Variants in RBFOX1 observed in about 807,000 individuals in gnomAD.
RBFOX1 encodes the protein RNA binding fox-1 homolog 1, also known as RNA binding protein fox-1 homolog 1.
RBFOX1 carries 8 observed loss-of-function variants against 57.7 expected under a neutral mutation model. The ratio of observed to expected loss-of-function variants is 0.14; its 90% CI spans 0.08 to 0.25. The LOEUF is 0.25. Ranked by LOEUF, RBFOX1 falls within the 10% of genes least tolerant of loss-of-function variation. The pLI is 1.00. For synonymous variants in RBFOX1, 326 were observed against 222.4 expected (o/e 1.47, Z -4.15); for missense variants, 611 against 548.5 (o/e 1.11, Z -1.14).
chr16:5,303,335 T>C (rs1478452995), intron 1 of RBFOX1, among the ~76,000 whole-genome samples: 3 of 152,228 alleles, frequency 2.0e-5, no homozygotes, highest in African/African-American at 7.2e-5. Context: ...CAGAGGATTA[T>C]TTGCAGATAA....
chr16:7,094,771 T>TGTGTGTGTGGGTGG (rs945776849), intron 4 of RBFOX1, among the ~76,000 whole-genome samples: 6 of 140,842 alleles, frequency 4.3e-5, no homozygotes, highest in African/African-American at 1.5e-4. Context: ...TGTGTGTGTG[T>TGTGTGTGTGGGTGG]GTGTGGGTGT....
At chr16:6,959,794 G>T (rs866991007) in intron 3 of RBFOX1, among the ~76,000 whole-genome samples, 1 of 152,110 alleles carries the variant, frequency 6.6e-6, no homozygotes, top group African/African-American at 2.4e-5. Flanking sequence ...AAAATTAGCC[G>T]GGTGTGTTGG....
At chr16:6,679,147 C>T (rs916879599) in intron 3 of RBFOX1, among the ~76,000 whole-genome samples, 4 of 152,100 alleles carry the variant, frequency 2.6e-5, no homozygotes, top group East Asian at 1.9e-4. Context: ...AACTGAGGAA[C>T]ATTGCAGTGT....
rs529098924 is a variant in RBFOX1 at position 6,488,035 on chromosome 16, C to G, written c.-63-166568C>G. On this transcript the variant is annotated intron_variant, in intron 2 of 15. Transcript: ENST00000550418. Reference sequence around the variant, plus strand: ...CACTCAAAAAGCTCATCTCCCAGCACCATTTACTCCACGCTTTCAATCCAA... The same window carrying G: ...CACTCAAAAAGCTCATCTCCCAGCAGCATTTACTCCACGCTTTCAATCCAA... Among the ~76,000 whole-genome samples, 185 of 152,166 alleles carry G rather than the reference C, an allele frequency of 1.2e-3. 1 individual carries two copies. Among genetic ancestry groups the G allele is most frequent in the African/African-American group, 4.2e-3 (176 of 41,496 alleles).
At chr16:7,536,162 A>C (rs1428141046) in intron 5 of RBFOX1, among the ~76,000 whole-genome samples, 3 of 152,196 alleles carry the variant, frequency 2.0e-5, no homozygotes, top group Non-Finnish European at 4.4e-5. Context: ...GATCTCGTGG[A>C]AAGGAGAGCT....
At chr16:6,399,606 T>A (rs1214783433) in intron 2 of RBFOX1, among the ~76,000 whole-genome samples, 1 of 152,212 alleles carries the variant, frequency 6.6e-6, no homozygotes, top group Non-Finnish European at 1.5e-5. Flanking sequence ...TGTCTTCTTG[T>A]GAGCCCTCCA....
chr16:5,570,641 A>T (rs914268163), intron 2 of RBFOX1, among the ~76,000 whole-genome samples: 8 of 152,092 alleles, frequency 5.3e-5, no homozygotes, highest in Admixed American at 1.3e-4. Flanking sequence ...GGAGTTTGAG[A>T]CCAGCCTTGC....
chr16:7,088,658 G>C (rs555389058), intron 4 of RBFOX1, among the ~76,000 whole-genome samples: 81 of 152,160 alleles, frequency 5.3e-4, no homozygotes, highest in African/African-American at 1.7e-3. Context: ...AGCATGAATG[G>C]TTTAGAAAAA....
intron 2 of RBFOX1, among the ~76,000 whole-genome samples, chr16:6,385,283 C>T (rs940787140): frequency 1.3e-5 from 2 of 152,200 alleles, no homozygotes; most frequent in Non-Finnish European, 2.9e-5. Context: ...CGAACTCTGC[C>T]TTTGCTACGT....
rs139699718 is a variant in RBFOX1 at position 5,689,410 on chromosome 16, G to C, written c.318+90449G>C. Reference sequence around the variant, plus strand: ...TGGTAAATGGTAACTATGATTGTGGGAGTTGTAAATTTGGTGATGAGGGTG... The same window carrying C: ...TGGTAAATGGTAACTATGATTGTGGCAGTTGTAAATTTGGTGATGAGGGTG... On this transcript the variant is annotated intron_variant, in intron 3 of 19. Transcript: ENST00000641259. Among the ~76,000 whole-genome samples the C allele has an allele frequency of 2.6e-5, 4 of 152,322 alleles. No homozygotes were observed. The East Asian group carries it at 7.7e-4, about 29-fold the overall frequency.
chr16:5,515,948 G>A (rs1597369732), intron 2 of RBFOX1, among the ~76,000 whole-genome samples: 2 of 152,144 alleles, frequency 1.3e-5, no homozygotes, highest in African/African-American at 2.4e-5. Flanking sequence ...AAGAAACGGA[G>A]GCCCAGAATA....
intron 3 of RBFOX1, among the ~76,000 whole-genome samples, chr16:6,974,969 CTCTGCT>C (rs2086489455): frequency 6.6e-6 from 1 of 152,178 alleles, no homozygotes; most frequent in Non-Finnish European, 1.5e-5. Context: ...AAGAATCTTC[CTCTGCT>C]TCTGCTTCTA....
chr16:5,313,544 G>A (rs1420875301), intron 1 of RBFOX1, among the ~76,000 whole-genome samples: 2 of 152,064 alleles, frequency 1.3e-5, no homozygotes, highest in African/African-American at 2.4e-5. Flanking sequence ...AGACTTACCC[G>A]AGACTGGGAA....
At chr16:7,108,567 T>A (rs544505346) in intron 4 of RBFOX1, among the ~76,000 whole-genome samples, 6 of 152,246 alleles carry the variant, frequency 3.9e-5, no homozygotes, top group Admixed American at 6.5e-5. Flanking sequence ...TGCCTGTAAT[T>A]GTTTGTGTTT....
intron 9 of RBFOX1, among the ~76,000 whole-genome samples, chr16:7,603,815 G>A (rs1471646714): frequency 1.3e-5 from 2 of 152,168 alleles, no homozygotes; most frequent in African/African-American, 4.8e-5. Context: ...TAAGACATGT[G>A]TGCTTATCTC....
intron 3 of RBFOX1, among the ~76,000 whole-genome samples, chr16:6,939,349 T>C (rs566789049): frequency 6.6e-6 from 1 of 151,834 alleles, no homozygotes; most frequent in African/African-American, 2.4e-5. Context: ...ATATATAAAT[T>C]GGTCCAAAGT....
chr16:7,579,843 A>G lies in RBFOX1; in HGVS notation c.337A>G (p.Lys113Glu). Residue 113 changes from lysine to glutamate, a missense_variant, in exon 6 of 16, where the codon AAG becomes GAG. Physicochemically the swap from Lys to Glu is moderately conservative, Grantham distance 56. Transcript: ENST00000550418. ...QTQPSENTEN[K>E]SQPKRLHVSN... ...ACAACCTTCTGAAAACACGGAAAAC[A>G]AGTCTCAGCCCAAGCGGCTGCATGT... 1 of 1,614,018 alleles carries G rather than the reference A, an allele frequency of 6.2e-7. No homozygotes were observed. The highest frequency in any genetic ancestry group is 1.1e-5 in the South Asian group (1 of 91,084).
intron 1 of RBFOX1, among the ~76,000 whole-genome samples, chr16:6,058,339 C>T (rs2095640223): frequency 6.6e-6 from 1 of 151,846 alleles, no homozygotes. Context: ...CCTCCCTCCT[C>T]TCCTTCCTCC....
At chr16:6,810,850 C>G (rs533762226) in intron 3 of RBFOX1, among the ~76,000 whole-genome samples, 2 of 152,138 alleles carry the variant, frequency 1.3e-5, no homozygotes, top group Non-Finnish European at 2.9e-5. Context: ...CGCCATGATC[C>G]AATCACAAGC....
Sources: allele counts gnomAD v4.1 joint callset (sites outside exome capture counted in the v4.1 genomes callset), GRCh38; gene constraint gnomAD v4.1.1; transcripts MANE v1.5; gene names NCBI Gene and HGNC (gene_info 2026-07-23, HGNC 2026-07-21).